The following CRYZL1 variants were observed in gnomAD, a reference collection of about 807,000 sequenced individuals.
CRYZL1 encodes ferry endosomal RAB5 effector complex subunit 4.
In CRYZL1, 34 loss-of-function variants were observed where a neutral mutation model predicts 50.6. The observed-to-expected ratio is 0.67, with a 90% CI of 0.51 to 0.89. CRYZL1 has a LOEUF of 0.89. CRYZL1 is among the 40% of genes least tolerant of loss of function. CRYZL1 has a pLI of 0.00. For missense variants in CRYZL1, 354 were observed against 402.3 expected (o/e 0.88, Z 1.03); for synonymous variants, 125 against 134.3 (o/e 0.93, Z 0.48).
intron 2 of CRYZL1, among the ~76,000 whole-genome samples, chr21:33,630,693 T>A (rs1029181211): frequency 6.6e-6 from 1 of 151,994 alleles, no homozygotes; most frequent in Non-Finnish European, 1.5e-5. Flanking sequence ...TATCTGTACC[T>A]CCATGTTTAC....
At chr21:33,627,653 T>G (rs983138394) in intron 2 of CRYZL1, among the ~76,000 whole-genome samples, 3 of 152,060 alleles carry the variant, frequency 2.0e-5, no homozygotes, top group African/African-American at 7.2e-5. Context: ...ATTTAAAACT[T>G]AGTAAATCAG....
intron 2 of CRYZL1, among the ~76,000 whole-genome samples, chr21:33,631,117 T>C (rs1212665853): frequency 6.6e-6 from 1 of 152,182 alleles, no homozygotes. Flanking sequence ...ACGTATTGCA[T>C]ATTTCAAAAT....
At position 33,599,131 on chromosome 21, in the gene CRYZL1, A is replaced by G. The variant is rs775317724; in HGVS notation, c.676+19T>C. 6.2e-7 allele frequency: 1 copy of G among 1,611,082 alleles called. No individual in the cohort carries two copies. Among genetic ancestry groups the G allele is most frequent in the South Asian group, 1.1e-5 (1 of 90,260 alleles). On this transcript the variant is annotated intron_variant, in intron 9 of 12. Coordinates refer to ENST00000381554, the MANE Select transcript of CRYZL1 (RefSeq NM_145858.3). ...AACTAAAAAAACTACACAGGCTACT[A>G]ATTTCATAAGGTACCTACCTCCAGC... is the stretch of plus-strand genomic sequence containing the variant.
rs750482662 is a variant in CRYZL1, at chr21:33,589,846, T to C, written c.1026A>G (p.Arg342=). The change falls in exon 13 of 13, where the codon AGA becomes AGG. Residue 342 remains arginine, a synonymous_variant. Coordinates refer to ENST00000381554, the MANE Select transcript of CRYZL1 (RefSeq NM_145858.3). ...SMEAVQKNQG[R]KKQVVQF is the part of the protein sequence containing the mutation. ...ATTAAAATTGAACAACTTGCTTTTT[T>C]CTTCCTTGATTTTTCTGAACAGCTT... 1.9e-6 allele frequency: 3 copies of C among 1,612,518 alleles called. No individual in the cohort carries two copies.
chr21:33,602,228 AC>A lies in CRYZL1; in HGVS notation c.577+5del. The A allele has an allele frequency of 6.9e-7, 1 of 1,446,554 alleles. No homozygotes were observed. Among genetic ancestry groups the A allele is most frequent in the Non-Finnish European group, 9.7e-7 (1 of 1,029,134 alleles). The allele number at this position is 1,446,554 out of a possible 1,614,324, so 89.6% of individuals were successfully genotyped here. A position where few individuals can be genotyped will look rare whatever the true frequency, so the allele number is the denominator to read the frequency against. On this transcript the variant is annotated splice_donor_5th_base_variant and intron_variant, in intron 8 of 12. Transcript: ENST00000381554. ...TTTTAAAGTCTGTGCTCATAATATTACCCACCTATGGGAGGTCTGAATCTTT... is the reference window on the plus strand; with the variant it reads ...TTTTAAAGTCTGTGCTCATAATATTACCACCTATGGGAGGTCTGAATCTTT...
At chr21:33,598,423 C>T (rs1327175627) in intron 9 of CRYZL1, among the ~76,000 whole-genome samples, 3 of 152,282 alleles carry the variant, frequency 2.0e-5, no homozygotes, top group East Asian at 3.9e-4. Context: ...TTTGCAGGCT[C>T]GTAAAGCCTA....
chr21:33,621,672 C>T (rs751485040), intron 4 of CRYZL1, among the ~76,000 whole-genome samples: 2 of 152,000 alleles, frequency 1.3e-5, no homozygotes, highest in East Asian at 1.9e-4. Context: ...AGAAAATTCA[C>T]GAATTTGTGT....
intron 5 of CRYZL1, 152 bp from the exon 6 acceptor site, chr21:33,613,758 G>C (rs2086898157): frequency 1.6e-6 from 1 of 629,628 alleles, no homozygotes; most frequent in Non-Finnish European, 2.8e-6. Flanking sequence ...AATGGGATGG[G>C]AAGTGCACTG....
At chr21:33,637,516 T>G (rs1368203360) in intron 1 of CRYZL1, among the ~76,000 whole-genome samples, 1 of 151,510 alleles carries the variant, frequency 6.6e-6, no homozygotes, top group Admixed American at 6.6e-5. Context: ...GCTCGGGCTG[T>G]GGCGATAGGC....
At chr21:33,603,807 A>C (rs1447664305) in intron 6 of CRYZL1, among the ~76,000 whole-genome samples, 1 of 152,280 alleles carries the variant, frequency 6.6e-6, no homozygotes, top group Non-Finnish European at 1.5e-5. Flanking sequence ...ATGAATAAAT[A>C]TAAAGGAAAT....
chr21:33,635,189 T>A (rs1339975623), intron 1 of CRYZL1, among the ~76,000 whole-genome samples: 1 of 151,980 alleles, frequency 6.6e-6, no homozygotes, highest in East Asian at 1.9e-4. Context: ...CCCACATGGT[T>A]TCCTAGGCAG....
chr21:33,596,021 G>A lies in CRYZL1; in HGVS notation c.799-185C>T, dbSNP rs187459420. On this transcript the variant is annotated intron_variant, in intron 10 of 12. Transcript: ENST00000381554. ...TCATGGTCCAAAATGATGAAACAGC[G>A]AGGTGATAAGTACATGGCAGATGCA... is the stretch of plus-strand genomic sequence containing the variant. 97 of 615,420 alleles carry A rather than the reference G, an allele frequency of 1.6e-4. 1 individual carries two copies. The East Asian group carries it at 2.6e-3, about 17-fold the overall frequency. The allele number at this position is 615,420 out of a possible 1,614,324, so 38.1% of individuals were successfully genotyped here.
At chr21:33,621,891 A>C in intron 4 of CRYZL1, 105 bp downstream of exon 4, 1 of 668,394 alleles carries the variant, frequency 1.5e-6, no homozygotes, top group South Asian at 2.3e-5. Context: ...TTAAATTTAA[A>C]TTTGAAAGGC....
chr21:33,614,171 C>CA (rs1174565593), intron 5 of CRYZL1, among the ~76,000 whole-genome samples: 10,465 of 98,082 alleles, frequency 0.11, 1,165 homozygotes, highest in African/African-American at 0.31. Context: ...GACTCTGTGT[C>CA]AAAAAAAAAA....
At position 33,622,161 on chromosome 21, in the gene CRYZL1, C is replaced by T. The variant is rs960427935; in HGVS notation, c.145-93G>A. ...GAAAGCGAGAGTAAAAGTCAAATCACAGAAAGAGCAAATATGGTTCAAGTT... is the reference window on the plus strand; with the variant it reads ...GAAAGCGAGAGTAAAAGTCAAATCATAGAAAGAGCAAATATGGTTCAAGTT... On this transcript the variant is annotated intron_variant, in intron 3 of 12. Transcript: ENST00000381554. The T allele has an allele frequency of 6.3e-6, 6 of 958,606 alleles. No individual in the cohort carries two copies. The African/African-American group carries it at 8.3e-5, about 13-fold the overall frequency. The allele number at this position is 958,606 out of a possible 1,614,324, so 59.4% of individuals were successfully genotyped here. A position where few individuals can be genotyped will look rare whatever the true frequency, so the allele number is the denominator to read the frequency against.
At chr21:33,636,043 C>T (rs1446352982) in intron 1 of CRYZL1, among the ~76,000 whole-genome samples, 1 of 151,988 alleles carries the variant, frequency 6.6e-6, no homozygotes, top group East Asian at 1.9e-4. Flanking sequence ...TAAGAAAAGT[C>T]ATGTAACTTC....
intron 10 of CRYZL1, 146 bp downstream of exon 10, chr21:33,597,134 T>C (rs774463398): frequency 4.1e-6 from 3 of 736,698 alleles, no homozygotes. Context: ...CCTCCCATAG[T>C]GCTGGACTCA....
At position 33,597,323 on chromosome 21, in the gene CRYZL1, A is replaced by G; in HGVS notation, c.755T>C (p.Leu252Pro). Residue 252 changes from leucine (L) to proline (P), a missense_variant, in exon 10 of 13, where the codon CTT (leucine) becomes CCT (proline). Transcript: ENST00000381554. ...LPHKHDIITLLGVGGHWVTTE... is the reference protein window; with the variant it reads ...LPHKHDIITLPGVGGHWVTTE... Reference sequence around the variant, plus strand: ...TGTTACCCAGTGGCCTCCAACACCAAGAAGTGTGATGATATCATGTTTATG... The same window carrying G: ...TGTTACCCAGTGGCCTCCAACACCAGGAAGTGTGATGATATCATGTTTATG... 1 of 1,613,012 alleles carries G rather than the reference A, an allele frequency of 6.2e-7. No homozygotes were observed. The highest frequency in any genetic ancestry group is 8.5e-7 in the Non-Finnish European group (1 of 1,178,958).
intron 2 of CRYZL1, 100 bp downstream of exon 2, chr21:33,631,386 T>A: frequency 1.3e-6 from 1 of 783,918 alleles, no homozygotes; most frequent in South Asian, 2.1e-5. Context: ...TTTGAGTAAT[T>A]TTGTTCATTA....
Sources: allele counts gnomAD v4.1 joint callset (sites outside exome capture counted in the v4.1 genomes callset), GRCh38; gene constraint gnomAD v4.1.1; transcripts MANE v1.5; gene names NCBI Gene and HGNC (gene_info 2026-07-23, HGNC 2026-07-21).